Variants in SPAG16 observed in about 807,000 individuals in gnomAD.
The protein encoded by SPAG16 is sperm associated antigen 16.
Under a neutral mutation model 80.4 loss-of-function variants are expected in SPAG16, and 86 were observed. The observed-to-expected ratio is 1.07, with a 90% CI of 0.90 to 1.28. SPAG16 has a LOEUF of 1.28. SPAG16 is among the 50% of genes most tolerant of loss of function. The pLI is 0.00. For synonymous variants in SPAG16, 294 were observed against 265.9 expected (o/e 1.11, Z -1.03); for missense variants, 870 against 765.3 (o/e 1.14, Z -1.61).
At chr2:213,618,262 A>G (rs1184769118) in intron 10 of SPAG16, among the ~76,000 whole-genome samples, 1 of 152,098 alleles carries the variant, frequency 6.6e-6, no homozygotes, top group Admixed American at 6.5e-5. Flanking sequence ...CTCAAATGGC[A>G]TTTTCTCAAA....
intron 10 of SPAG16, among the ~76,000 whole-genome samples, chr2:213,837,908 G>A (rs1020087660): frequency 3.3e-5 from 5 of 152,154 alleles, no homozygotes; most frequent in Non-Finnish European, 7.4e-5. Context: ...TGGCTTTGAA[G>A]ATGAAGGAAG....
chr2:213,361,889 A>G (rs961037277), intron 7 of SPAG16, among the ~76,000 whole-genome samples: 1 of 151,342 alleles, frequency 6.6e-6, no homozygotes, highest in Admixed American at 6.6e-5. Flanking sequence ...GCTGCACATT[A>G]CCTCCCAAGC....
At chr2:213,680,883 G>T (rs1248336768) in intron 10 of SPAG16, among the ~76,000 whole-genome samples, 3 of 152,144 alleles carry the variant, frequency 2.0e-5, no homozygotes, top group African/African-American at 7.2e-5. Context: ...CAAGTTGGGG[G>T]TCTTCCAGGC....
intron 9 of SPAG16, among the ~76,000 whole-genome samples, chr2:213,479,971 T>A (rs1265837541): frequency 6.6e-6 from 1 of 152,228 alleles, no homozygotes; most frequent in Non-Finnish European, 1.5e-5. Context: ...TTCATTCATT[T>A]GAATTATTTT....
chr2:214,304,428 G>T (rs796814045), intron 15 of SPAG16, among the ~76,000 whole-genome samples: 6 of 152,312 alleles, frequency 3.9e-5, no homozygotes, highest in African/African-American at 1.4e-4. Flanking sequence ...TGTGCCTTAA[G>T]GACATGCTCC....
At chr2:213,796,552 CTG>C (rs1447709830) in intron 10 of SPAG16, among the ~76,000 whole-genome samples, 1 of 152,086 alleles carries the variant, frequency 6.6e-6, no homozygotes, top group Non-Finnish European at 1.5e-5. Context: ...AAAGGACAGA[CTG>C]TATGTAGGAT....
intron 11 of SPAG16, among the ~76,000 whole-genome samples, chr2:213,902,551 GCAAATTATC>G (rs1005092883): frequency 3.3e-5 from 5 of 152,162 alleles, no homozygotes; most frequent in Non-Finnish European, 4.4e-5. Flanking sequence ...CCCCCATGAT[GCAAATTATC>G]TCCCACCAGG....
At position 214,255,634 on chromosome 2, in the gene SPAG16, T is replaced by A. The variant is rs1048144434; in HGVS notation, c.1720+106368T>A. On this transcript the variant is annotated intron_variant, in intron 15 of 15. Transcript: ENST00000331683. ...ATGGAATGTTATTGTCCCAGAAAAT[T>A]GTTCTCTCGTGCCCCTTTTCACTCA... Among the ~76,000 whole-genome samples, 137 of 151,986 alleles carry A rather than the reference T, an allele frequency of 9.0e-4. 2 individuals are homozygous for A. Among genetic ancestry groups the A allele is most frequent in the African/African-American group, 3.0e-3 (125 of 41,520 alleles).
At chr2:213,941,520 G>A (rs150446555) in intron 12 of SPAG16, among the ~76,000 whole-genome samples, 3 of 151,966 alleles carry the variant, frequency 2.0e-5, no homozygotes, top group South Asian at 2.1e-4. Context: ...TTCCCCTACC[G>A]CTGGATCTGC....
chr2:213,470,208 A>C (rs1490509126), intron 9 of SPAG16, among the ~76,000 whole-genome samples: 1 of 152,224 alleles, frequency 6.6e-6, no homozygotes, highest in African/African-American at 2.4e-5. Context: ...TGACTTCAAA[A>C]GGCCATTGCA....
chr2:213,848,202 G>A (rs2074725225), intron 10 of SPAG16, among the ~76,000 whole-genome samples: 1 of 152,192 alleles, frequency 6.6e-6, no homozygotes. Flanking sequence ...GCAAGTTGCT[G>A]TTTAGATGCT....
chr2:213,315,301 C>T (rs2063353193), intron 4 of SPAG16, among the ~76,000 whole-genome samples: 1 of 151,928 alleles, frequency 6.6e-6, no homozygotes, highest in East Asian at 1.9e-4. Flanking sequence ...CCCTCTTTAC[C>T]ACCCTGCTGC....
chr2:213,665,243 C>G lies in SPAG16; in HGVS notation c.1070+175153C>G, dbSNP rs78684566. On this transcript the variant is annotated intron_variant, in intron 10 of 15. Transcript: ENST00000331683. ...TGTTATGTTTATATTAGCTTTCCAA[C>G]TGAAGCTAAATTGTGGCTGCATATT... 5.9e-3 allele frequency among the ~76,000 whole-genome samples: 900 copies of G among 152,168 alleles called. 23 individuals are homozygous for G. Among genetic ancestry groups the G allele is most frequent in the East Asian group, 0.056 (289 of 5,192 alleles).
rs933466745 is a variant in SPAG16, at chr2:213,718,165, A to G, written c.1071-144320A>G. On this transcript the variant is annotated intron_variant, in intron 10 of 15. Coordinates refer to ENST00000331683, the MANE Select transcript of SPAG16 (RefSeq NM_024532.5). ...ACAAGTTTACAAAAAAAAAAAAAAA[A>G]AAAAGAAAACCACCAAATAGTGGGC... Among the ~76,000 whole-genome samples the G allele has an allele frequency of 2.1e-4, 32 of 151,416 alleles. No homozygotes were observed. The East Asian group carries it at 4.1e-3, about 19-fold the overall frequency.
chr2:213,529,110 T>C (rs919300659), intron 10 of SPAG16, among the ~76,000 whole-genome samples: 1 of 152,200 alleles, frequency 6.6e-6, no homozygotes, highest in Non-Finnish European at 1.5e-5. Context: ...ATGAAACTAT[T>C]CTCTACTTTA....
chr2:213,299,831 A>T (rs1352075181), intron 3 of SPAG16, among the ~76,000 whole-genome samples: 2 of 152,146 alleles, frequency 1.3e-5, no homozygotes, highest in Non-Finnish European at 2.9e-5. Context: ...AGTTTCTTGA[A>T]ATTTAAGTAT....
chr2:213,836,529 G>T (rs1356404981), intron 10 of SPAG16, among the ~76,000 whole-genome samples: 2 of 151,866 alleles, frequency 1.3e-5, no homozygotes, highest in South Asian at 2.1e-4. Flanking sequence ...CTATCCAAAT[G>T]CTCTTTATAA....
rs574198998 is a variant in SPAG16 at position 214,226,127 on chromosome 2, C to T, written c.1720+76861C>T. ...ATTTATTAGCTTAAAACATGAAGCACTTATGATTTCTCATAAGTCTCAATG... is the reference window on the plus strand; with the variant it reads ...ATTTATTAGCTTAAAACATGAAGCATTTATGATTTCTCATAAGTCTCAATG... On this transcript the variant is annotated intron_variant, in intron 15 of 15. Transcript: ENST00000331683. Among the ~76,000 whole-genome samples, 6 of 152,218 alleles carry T rather than the reference C, an allele frequency of 3.9e-5. No individual in the cohort carries two copies. In the East Asian group the frequency reaches 5.8e-4, roughly 15 times the overall value.
chr2:213,974,101 G>T (rs1216895170), intron 12 of SPAG16, among the ~76,000 whole-genome samples: 2 of 152,106 alleles, frequency 1.3e-5, no homozygotes, highest in Non-Finnish European at 2.9e-5. Context: ...TTAGCTGGAA[G>T]AACTGAATAG....
Sources: allele counts gnomAD v4.1 joint callset (sites outside exome capture counted in the v4.1 genomes callset), GRCh38; gene constraint gnomAD v4.1.1; transcripts MANE v1.5; gene names NCBI Gene and HGNC (gene_info 2026-07-23, HGNC 2026-07-21).